LIPG: variants seen among roughly 807,000 people sequenced by gnomAD.
LIPG encodes the protein lipase G, endothelial type.
In LIPG, 34 loss-of-function variants were observed where a neutral mutation model predicts 51.8. The observed-to-expected ratio is 0.66, with a 90% CI of 0.50 to 0.87. The LOEUF (loss-of-function observed/expected upper bound fraction) is 0.87. Among genes scored for constraint, LIPG ranks in the 40% least tolerant of loss-of-function variants. The pLI, the probability that LIPG is intolerant of heterozygous loss-of-function variation, is 0.00. For missense variants in LIPG, 580 were observed against 652.7 expected (o/e 0.89, Z 1.21); for synonymous variants, 246 against 246.1 (o/e 1.00, Z 0.00).
chr18:49,565,087 CAG>C (rs1485706100), intron 1 of LIPG, among the ~76,000 whole-genome samples: 2 of 152,146 alleles, frequency 1.3e-5, no homozygotes, highest in African/African-American at 4.8e-5. Flanking sequence ...TTCAGAGTGA[CAG>C]TAATTAATAC....
chr18:49,580,878 T>C (rs2044900621), intron 5 of LIPG, among the ~76,000 whole-genome samples: 1 of 152,140 alleles, frequency 6.6e-6, no homozygotes, highest in Non-Finnish European at 1.5e-5. Context: ...TGTCTTCCCA[T>C]CAAGAGAGTG....
At chr18:49,581,042 T>C (rs1166394567) in intron 5 of LIPG, among the ~76,000 whole-genome samples, 1 of 152,116 alleles carries the variant, frequency 6.6e-6, no homozygotes, top group Non-Finnish European at 1.5e-5. Context: ...GAAGATTGCT[T>C]GAACCCAGGA....
chr18:49,591,053 G>GA lies in LIPG; in HGVS notation c.*531_*532insA. 12 of 194,688 alleles carry GA rather than the reference G, an allele frequency of 6.2e-5. No homozygotes were observed. The highest frequency in any genetic ancestry group is 1.6e-4 in the Admixed American group (3 of 18,912). 12.1% of individuals were successfully genotyped at this position (194,688 alleles called of 1,614,324 possible). A position where few individuals can be genotyped will look rare whatever the true frequency, so the allele number is the denominator to read the frequency against. On this transcript the variant is annotated 3_prime_UTR_variant, in exon 10 of 10. Transcript: ENST00000261292. ...CACTGACCATACTGCTTACGTCTTA[G>GA]CCATTCCGTCCTGCTCCCCAGCTCA...
In LIPG at chr18:49,569,328, A is replaced by G. The variant is rs956255847; in HGVS notation, c.460-109A>G. On this transcript the variant is annotated intron_variant, in intron 3 of 9. Transcript: ENST00000261292. ...GGGGCCCTGGGGAGTCTCTGTGCCC[A>G]CGGCCCCTGCATCTCCTCCTGCTCC... 3.3e-6 allele frequency: 3 copies of G among 903,400 alleles called. No homozygotes were observed. The African/African-American group carries it at 4.9e-5, about 15-fold the overall frequency. The allele number at this position is 903,400 out of a possible 1,614,324, so 56.0% of individuals were successfully genotyped here.
At chr18:49,585,071 G>GT (rs928626863) in intron 8 of LIPG, among the ~76,000 whole-genome samples, 7 of 151,834 alleles carry the variant, frequency 4.6e-5, no homozygotes, top group South Asian at 2.1e-4. Context: ...TGTACTTACT[G>GT]TTTTTTTTGA....
chr18:49,575,841 CT>C (rs1301704194), intron 5 of LIPG, among the ~76,000 whole-genome samples: 307 of 141,760 alleles, frequency 2.2e-3, no homozygotes, highest in Admixed American at 2.5e-3. Context: ...CTTTTTCTTT[CT>C]TTTTTTTTTT....
intron 5 of LIPG, among the ~76,000 whole-genome samples, chr18:49,578,768 C>G (rs2084763184): frequency 6.6e-6 from 1 of 151,062 alleles, no homozygotes; most frequent in African/African-American, 2.4e-5. Context: ...CGTCTGCAAT[C>G]CCGGCACCTC....
rs191939259 is a variant in LIPG at position 49,593,590 on chromosome 18, G to A, written c.*3068G>A. ...GGTTAAAGTCCCAGCTGGTAGTAAG[G>A]TTCTATTCTACAGGCCAAGAGGGCT... On this transcript the variant is annotated 3_prime_UTR_variant, in exon 10 of 10. Transcript: ENST00000261292. 6.6e-6 allele frequency: 1 copy of A among 152,276 alleles called. No homozygotes were observed. The highest frequency in any genetic ancestry group is 1.9e-4 in the East Asian group (1 of 5,182). The allele number at this position is 152,276 out of a possible 1,614,324, so 9.4% of individuals were successfully genotyped here. A position where few individuals can be genotyped will look rare whatever the true frequency, so the allele number is the denominator to read the frequency against.
chr18:49,597,831 G>A lies in LIPG; in HGVS notation c.*7309G>A, dbSNP rs1254874581. ...CAATGGACAGATGCCATATGAGAAA[G>A]GGCTGAGGCCAGGAACAGAGGCAGG... On this transcript the variant is annotated 3_prime_UTR_variant, in exon 10 of 10. Transcript: ENST00000261292. 6.6e-6 allele frequency: 1 copy of A among 152,264 alleles called. No homozygotes were observed. The highest frequency in any genetic ancestry group is 1.5e-5 in the Non-Finnish European group (1 of 68,076). 9.4% of individuals were successfully genotyped at this position (152,264 alleles called of 1,614,324 possible). A position where few individuals can be genotyped will look rare whatever the true frequency, so the allele number is the denominator to read the frequency against.
In LIPG at chr18:49,581,516, G is replaced by A; in HGVS notation, c.895G>A (p.Asp299Asn). 1 of 1,614,152 alleles carries A rather than the reference G, an allele frequency of 6.2e-7. No homozygotes were observed. Among genetic ancestry groups the A allele is most frequent in the East Asian group, 2.2e-5 (1 of 44,882 alleles). The change falls in exon 6 of 10, where the codon GAC (aspartate) becomes AAC (asparagine). Residue 299 changes from aspartate to asparagine, a missense_variant. Asp to Asn is a conservative substitution (Grantham distance 23). Coordinates refer to ENST00000261292, the MANE Select transcript of LIPG (RefSeq NM_006033.4). ...DKPSFAFQCT[D>N]SNRFKKGICL... ...GCCGAGTTTTGCCTTCCAGTGCACT[G>A]ACTCCAATCGCTTCAAAAAGGGGAT...
chr18:49,563,508 C>T (rs921605136), intron 1 of LIPG, among the ~76,000 whole-genome samples: 4 of 151,916 alleles, frequency 2.6e-5, no homozygotes, highest in African/African-American at 9.7e-5. Flanking sequence ...AAATAGATGG[C>T]AATCTGTGCC....
At chr18:49,587,364 A>G (rs1252501331) in intron 9 of LIPG, among the ~76,000 whole-genome samples, 2 of 151,938 alleles carry the variant, frequency 1.3e-5, no homozygotes, top group African/African-American at 4.8e-5. Context: ...AGGTCAGGAG[A>G]TCGACACAAT....
chr18:49,585,792 G>C (rs2084874069), intron 8 of LIPG, among the ~76,000 whole-genome samples: 1 of 152,236 alleles, frequency 6.6e-6, no homozygotes, highest in Non-Finnish European at 1.5e-5. Context: ...TATGGATGAA[G>C]AGTTCCCTTT....
intron 4 of LIPG, among the ~76,000 whole-genome samples, chr18:49,573,150 T>C (rs954053224): frequency 6.6e-6 from 1 of 152,188 alleles, no homozygotes; most frequent in Non-Finnish European, 1.5e-5. Flanking sequence ...GACCGTCTGG[T>C]GGGGACCTTT....
chr18:49,582,007 T>C (rs1266298870), intron 6 of LIPG, among the ~76,000 whole-genome samples: 1 of 152,214 alleles, frequency 6.6e-6, no homozygotes, highest in African/African-American at 2.4e-5. Flanking sequence ...TGTTACATTT[T>C]TATAATGTGC....
At chr18:49,575,672 G>A (rs1001174069) in intron 5 of LIPG, 82 bp downstream of exon 5, 3 of 1,101,202 alleles carry the variant, frequency 2.7e-6, no homozygotes, top group Non-Finnish European at 4.0e-6. Context: ...TAGCACTGCA[G>A]GCACTATTTA....
chr18:49,569,629 C>A, intron 4 of LIPG, 81 bp downstream of exon 4: 2 of 1,129,898 alleles, frequency 1.8e-6, no homozygotes, highest in South Asian at 1.3e-5. Flanking sequence ...CAGAGTGAGT[C>A]ATAGAAAGTT....
intron 5 of LIPG, among the ~76,000 whole-genome samples, chr18:49,577,163 G>C (rs1379819344): frequency 7.6e-6 from 1 of 130,936 alleles, no homozygotes; most frequent in East Asian, 2.1e-4. Flanking sequence ...AGGACCCTGT[G>C]GCCTTCCGCA....
intron 5 of LIPG, among the ~76,000 whole-genome samples, chr18:49,576,847 A>G (rs1481524136): frequency 6.6e-6 from 1 of 152,110 alleles, no homozygotes; most frequent in Non-Finnish European, 1.5e-5. Flanking sequence ...CCTGGGCTCA[A>G]GCTATCCCCC....
Sources: gnomAD v4.1 joint callset for allele counts (sites outside exome capture counted in the v4.1 genomes callset) on GRCh38, gnomAD v4.1.1 for gene constraint, MANE v1.5 for transcripts, NCBI Gene and HGNC (gene_info 2026-07-23, HGNC 2026-07-21) for gene names.